Variants in DACH1 observed in about 807,000 individuals in gnomAD.
DACH1 encodes the protein dachshund family transcription factor 1, also known as dachshund homolog 1.
DACH1 carries 12 observed loss-of-function variants against 54.2 expected under a neutral mutation model. The ratio of observed to expected loss-of-function variants is 0.22; its 90% CI spans 0.14 to 0.36. The LOEUF (loss-of-function observed/expected upper bound fraction) is 0.36. Ranked by LOEUF, DACH1 falls within the 10% of genes least tolerant of loss-of-function variation. DACH1 has a pLI of 1.00. For missense variants in DACH1, 805 were observed against 929.8 expected (o/e 0.87, Z 1.75); for synonymous variants, 386 against 366.2 (o/e 1.05, Z -0.62).
chr13:71,524,582 G>A (rs1881826729), intron 6 of DACH1, among the ~76,000 whole-genome samples: 1 of 152,052 alleles, frequency 6.6e-6, no homozygotes. Flanking sequence ...AATGTTAGCT[G>A]AGTATTAATA....
intron 6 of DACH1, among the ~76,000 whole-genome samples, chr13:71,527,244 A>AAT (rs1457402625): frequency 3.3e-5 from 5 of 151,990 alleles, no homozygotes; most frequent in Non-Finnish European, 7.4e-5. Context: ...CATCACAACT[A>AAT]ATTTATAAAA....
chr13:71,617,601 T>A (rs1376051925), intron 3 of DACH1, among the ~76,000 whole-genome samples: 2 of 152,182 alleles, frequency 1.3e-5, no homozygotes, highest in Admixed American at 1.3e-4. Flanking sequence ...GAATCACACC[T>A]GTGAAAAAGC....
At chr13:71,643,476 T>C (rs963881434) in intron 2 of DACH1, among the ~76,000 whole-genome samples, 1 of 152,212 alleles carries the variant, frequency 6.6e-6, no homozygotes, top group African/African-American at 2.4e-5. Context: ...CATTCATCTT[T>C]TCAAAAGCAA....
At chr13:71,570,477 T>C (rs970708591) in intron 4 of DACH1, among the ~76,000 whole-genome samples, 6 of 152,210 alleles carry the variant, frequency 3.9e-5, no homozygotes, top group African/African-American at 1.4e-4. Flanking sequence ...ATTTTACTTT[T>C]TGTAATCATT....
chr13:71,692,036 C>CACACAG (rs1881505510), intron 1 of DACH1, among the ~76,000 whole-genome samples: 1 of 151,716 alleles, frequency 6.6e-6, no homozygotes, highest in Non-Finnish European at 1.5e-5. Flanking sequence ...CACACACACA[C>CACACAG]ACACACACAC....
chr13:71,485,388 C>G (rs937187570), intron 7 of DACH1, among the ~76,000 whole-genome samples: 7 of 151,046 alleles, frequency 4.6e-5, no homozygotes, highest in Non-Finnish European at 1.0e-4. Context: ...TTCTAAAACA[C>G]TCAAATGTCA....
At position 71,440,506 on chromosome 13, in the gene DACH1, T is replaced by G; in HGVS notation, c.*149A>C. ...CAATGGAGAAAACTTTTTTTTTTTTTGTAGAATACTTAAACTTTTAAAGAA... is the reference window on the plus strand; with the variant it reads ...CAATGGAGAAAACTTTTTTTTTTTTGGTAGAATACTTAAACTTTTAAAGAA... On this transcript the variant is annotated 3_prime_UTR_variant, in exon 11 of 11. Transcript: ENST00000613252. 1 of 609,294 alleles carries G rather than the reference T, an allele frequency of 1.6e-6. No individual in the cohort carries two copies. The highest frequency in any genetic ancestry group is 2.1e-5 in the South Asian group (1 of 47,636). The allele number at this position is 609,294 out of a possible 1,614,324, so 37.7% of individuals were successfully genotyped here. A position where few individuals can be genotyped will look rare whatever the true frequency, so the allele number is the denominator to read the frequency against.
chr13:71,676,003 A>G (rs1340211403), intron 2 of DACH1, among the ~76,000 whole-genome samples: 1 of 152,202 alleles, frequency 6.6e-6, no homozygotes, highest in Non-Finnish European at 1.5e-5. Context: ...TAAAAAAAAT[A>G]CAAACATTGT....
At position 71,866,844 on chromosome 13, in the gene DACH1, G is replaced by GA; in HGVS notation, c.-76dup. 3 of 1,093,344 alleles carry GA rather than the reference G, an allele frequency of 2.7e-6. No individual in the cohort carries two copies. Among genetic ancestry groups the GA allele is most frequent in the Non-Finnish European group, 3.4e-6 (3 of 884,622 alleles). 67.7% of individuals were successfully genotyped at this position (1,093,344 alleles called of 1,614,324 possible). ...CCACACACCCCCGGGAGGGGAAGGG[G>GA]AAAAAAGGGGGGAGAAGGAGCGAGG... On this transcript the variant is annotated 5_prime_UTR_variant, in exon 1 of 11. Transcript: ENST00000613252.
At chr13:71,584,877 A>C (rs562725957) in intron 3 of DACH1, among the ~76,000 whole-genome samples, 41 of 152,214 alleles carry the variant, frequency 2.7e-4, no homozygotes, top group African/African-American at 9.1e-4. Flanking sequence ...GCAGTCATAT[A>C]AACTAGCAAA....
intron 10 of DACH1, among the ~76,000 whole-genome samples, chr13:71,457,899 T>C (rs1391001321): frequency 1.3e-5 from 2 of 151,888 alleles, no homozygotes; most frequent in East Asian, 3.9e-4. Context: ...AAATGACACA[T>C]TGTCACATCA....
At chr13:71,696,268 A>G (rs1881827300) in intron 1 of DACH1, among the ~76,000 whole-genome samples, 1 of 152,194 alleles carries the variant, frequency 6.6e-6, no homozygotes, top group South Asian at 2.1e-4. Context: ...TTACAGTGTA[A>G]TTAACATTAT....
At chr13:71,485,675 C>T (rs1483670127) in intron 7 of DACH1, among the ~76,000 whole-genome samples, 2 of 147,370 alleles carry the variant, frequency 1.4e-5, no homozygotes, top group South Asian at 2.1e-4. Flanking sequence ...CTCTGCCTCC[C>T]GGGTTCAAGT....
At chr13:71,692,103 T>A (rs772108188) in intron 1 of DACH1, among the ~76,000 whole-genome samples, 35 of 151,994 alleles carry the variant, frequency 2.3e-4, no homozygotes, top group Admixed American at 3.3e-4. Context: ...TGAGTACTTA[T>A]AACATCTAAT....
chr13:71,663,423 C>T (rs889613919), intron 2 of DACH1, among the ~76,000 whole-genome samples: 2 of 151,876 alleles, frequency 1.3e-5, no homozygotes, highest in Admixed American at 6.6e-5. Flanking sequence ...AAAAGACAGA[C>T]AATTCAAATT....
intron 6 of DACH1, among the ~76,000 whole-genome samples, chr13:71,504,254 A>G (rs1880142376): frequency 6.6e-6 from 1 of 152,194 alleles, no homozygotes; most frequent in South Asian, 2.1e-4. Context: ...TTACTTTAAT[A>G]CCTATGTTTA....
intron 1 of DACH1, among the ~76,000 whole-genome samples, chr13:71,852,334 A>G (rs973926122): frequency 6.6e-6 from 1 of 151,756 alleles, no homozygotes; most frequent in Non-Finnish European, 1.5e-5. Context: ...GAGGACCTCA[A>G]ATTCAAACAT....
Position 71,700,563 on chromosome 13 carries a change from C to T in DACH1, c.849-18653G>A, listed in dbSNP as rs1048865271. On this transcript the variant is annotated intron_variant, in intron 1 of 10. Coordinates refer to ENST00000613252, the MANE Select transcript of DACH1 (RefSeq NM_080759.6). ...ACACAGCAAGACTGCAAGACTCCAT[C>T]TCAAAAAAAAAAAAAAAAAAAAGAG... Among the ~76,000 whole-genome samples the T allele has an allele frequency of 6.4e-5, 5 of 78,292 alleles. No homozygotes were observed. In the East Asian group the frequency reaches 1.6e-3, roughly 25 times the overall value. 51.4% of individuals were successfully genotyped at this position (78,292 alleles called of 152,430 possible). A position where few individuals can be genotyped will look rare whatever the true frequency, so the allele number is the denominator to read the frequency against.
Position 71,646,230 on chromosome 13 carries a change from G to A in DACH1, c.965-15513C>T, listed in dbSNP as rs112568712. Among the ~76,000 whole-genome samples, 1,397 of 151,758 alleles carry A rather than the reference G, an allele frequency of 9.2e-3. 25 individuals are homozygous for A. Among genetic ancestry groups the A allele is most frequent in the African/African-American group, 0.032 (1,324 of 41,388 alleles). Reference sequence around the variant, plus strand: ...CGGGTGCCTGTAATCCCAGCTACTCGGGAGGCTGAGGCAGGAGAATCACTT... The same window carrying A: ...CGGGTGCCTGTAATCCCAGCTACTCAGGAGGCTGAGGCAGGAGAATCACTT... On this transcript the variant is annotated intron_variant, in intron 2 of 10. Coordinates refer to ENST00000613252, the MANE Select transcript of DACH1 (RefSeq NM_080759.6).
Sources: allele counts gnomAD v4.1 joint callset (sites outside exome capture counted in the v4.1 genomes callset), GRCh38; gene constraint gnomAD v4.1.1; transcripts MANE v1.5; gene names NCBI Gene and HGNC (gene_info 2026-07-23, HGNC 2026-07-21).